The following VRK3 variants were observed in gnomAD, a reference collection of about 807,000 sequenced individuals.
VRK3 encodes VRK serine/threonine kinase 3, also known as serine/threonine-protein kinase VRK3.
Under a neutral mutation model 60.4 loss-of-function variants are expected in VRK3, and 50 were observed. The ratio of observed to expected loss-of-function variants is 0.83; its 90% confidence interval spans 0.66 to 1.05. VRK3 has a LOEUF of 1.05. VRK3 is among the 50% of genes least tolerant of loss of function. The pLI, the probability that VRK3 is intolerant of heterozygous loss-of-function variation, is 0.00. For synonymous variants in VRK3, 246 were observed against 227.8 expected (o/e 1.08, Z -0.72); for missense variants, 549 against 585.3 (o/e 0.94, Z 0.64).
chr19:49,981,260 GT>G, intron 12 of VRK3: 2 of 528,414 alleles, frequency 3.8e-6, no homozygotes, highest in Non-Finnish European at 6.8e-6. Context: ...AATACACCTT[GT>G]TTTGGCCGGG....
At chr19:49,984,000 T>C (rs1227249941) in intron 12 of VRK3, among the ~76,000 whole-genome samples, 1 of 152,164 alleles carries the variant, frequency 6.6e-6, no homozygotes, top group African/African-American at 2.4e-5. Context: ...GCTGCTATCA[T>C]TGATATGAGA....
rs560437094 is a variant in VRK3, at chr19:49,993,372, T to TATAG, written c.871-421_871-420insCTAT. ...TGATCTCCAGCTCCAGCTGTCCCTATGAGCTCCAGACTCTTTTTTTGCTGT... is the reference window on the plus strand; with the variant it reads ...TGATCTCCAGCTCCAGCTGTCCCTATATAGGAGCTCCAGACTCTTTTTTTGCTGT... On this transcript the variant is annotated intron_variant, in intron 9 of 14. Transcript: ENST00000316763. Among the ~76,000 whole-genome samples the TATAG allele has an allele frequency of 1.8e-4, 28 of 152,320 alleles. No homozygotes were observed. In the East Asian group the frequency reaches 5.0e-3, roughly 27 times the overall value.
Position 50,007,843 on chromosome 19 carries a change from G to A in VRK3, c.290-17C>T, listed in dbSNP as rs748338401. On this transcript the variant is annotated splice_polypyrimidine_tract_variant and intron_variant, in intron 4 of 14. Transcript: ENST00000316763. ...TCCCGGAGCCTGCAGGAGGATGTAA[G>A]AATAAAGTAAAAGCACCATCCAGGA... 2.5e-6 allele frequency: 4 copies of A among 1,613,814 alleles called. No homozygotes were observed. In the South Asian group the frequency reaches 4.4e-5, roughly 18 times the overall value.
intron 4 of VRK3, among the ~76,000 whole-genome samples, chr19:50,009,022 G>A (rs1427535013): frequency 2.6e-5 from 4 of 152,168 alleles, no homozygotes; most frequent in African/African-American, 9.7e-5. Context: ...GCAGGGAGGG[G>A]CCGGGGCAGC....
At chr19:49,990,951 G>A (rs2076600317) in intron 10 of VRK3, among the ~76,000 whole-genome samples, 1 of 151,858 alleles carries the variant, frequency 6.6e-6, no homozygotes, top group Admixed American at 6.6e-5. Context: ...CACCTGGATA[G>A]GTTATTATTT....
At chr19:50,025,245 C>A (rs549326521) in intron 1 of VRK3, 22 bp downstream of exon 1, 3 of 152,314 alleles carry the variant, frequency 2.0e-5, no homozygotes, top group Non-Finnish European at 4.4e-5. Flanking sequence ...GACGTCCCCT[C>A]GTTCGCCTCG....
chr19:49,984,104 T>C (rs539837665), intron 12 of VRK3, among the ~76,000 whole-genome samples: 2 of 152,148 alleles, frequency 1.3e-5, no homozygotes, highest in East Asian at 1.9e-4. Flanking sequence ...TCTCTTTAGA[T>C]GGGGGGATGT....
intron 3 of VRK3, among the ~76,000 whole-genome samples, chr19:50,013,154 G>A (rs191668408): frequency 1.3e-5 from 2 of 152,262 alleles, no homozygotes; most frequent in East Asian, 1.9e-4. Context: ...GCGACAGAGC[G>A]AGACTCCGTC....
intron 12 of VRK3, among the ~76,000 whole-genome samples, chr19:49,984,648 T>C (rs1275486245): frequency 2.6e-5 from 4 of 152,244 alleles, no homozygotes; most frequent in African/African-American, 9.6e-5. Context: ...TTTTTCTTTT[T>C]TTGAGACAGG....
chr19:49,985,863 G>T (rs900116627), intron 12 of VRK3, among the ~76,000 whole-genome samples: 1 of 152,180 alleles, frequency 6.6e-6, no homozygotes, highest in African/African-American at 2.4e-5. Flanking sequence ...GGTGACATGG[G>T]CTGTCTCTGG....
intron 6 of VRK3, chr19:50,000,527 GCT>G: frequency 1.9e-6 from 1 of 528,842 alleles, no homozygotes; most frequent in African/African-American, 1.9e-5. Flanking sequence ...AGGAAACTGA[GCT>G]CTGAGGGGGA....
chr19:50,000,623 G>T, intron 6 of VRK3, 167 bp downstream of exon 6: 1 of 729,818 alleles, frequency 1.4e-6, no homozygotes. Context: ...ACCCTGGGAT[G>T]ATGGAGAACT....
Position 49,992,841 on chromosome 19 carries a change from G to T in VRK3, c.963+19C>A, listed in dbSNP as rs2076634247. The T allele has an allele frequency of 1.2e-6, 2 of 1,612,112 alleles. No individual in the cohort carries two copies. Among genetic ancestry groups the T allele is most frequent in the Admixed American group, 1.7e-5 (1 of 60,024 alleles). On this transcript the variant is annotated intron_variant, in intron 10 of 14. Transcript: ENST00000316763. ...CTGAGCCCAGAGATCTTCCAGAGTGGGCAGGAGCTGGCTCTTACCTGACTC... is the reference window on the plus strand; with the variant it reads ...CTGAGCCCAGAGATCTTCCAGAGTGTGCAGGAGCTGGCTCTTACCTGACTC...
At chr19:49,997,928 C>T (rs10405696) in intron 6 of VRK3, 8,143 of 172,732 alleles carry the variant, frequency 0.047, 702 homozygotes, top group African/African-American at 0.18. Flanking sequence ...CAGGTTATGC[C>T]CTTAGTGGGC....
intron 11 of VRK3, 35 bp from the exon 12 acceptor site, chr19:49,988,527 C>T (rs2076556560): frequency 1.9e-6 from 3 of 1,604,726 alleles, no homozygotes; most frequent in African/African-American, 2.7e-5. Context: ...CAGCTCAAGT[C>T]TGGACGCTCC....
intron 12 of VRK3, 167 bp downstream of exon 12, chr19:49,988,205 G>A (rs1467957504): frequency 1.7e-5 from 18 of 1,044,322 alleles, no homozygotes; most frequent in South Asian, 3.3e-5. Context: ...CACCTGCCTC[G>A]CCTGCTGTGT....
At chr19:50,010,288 T>C (rs2076973441) in intron 3 of VRK3, among the ~76,000 whole-genome samples, 1 of 152,204 alleles carries the variant, frequency 6.6e-6, no homozygotes, top group Admixed American at 6.5e-5. Flanking sequence ...TTTGTAAACA[T>C]TCTCATCTAT....
chr19:49,991,220 C>A (rs763748005), intron 10 of VRK3, among the ~76,000 whole-genome samples: 3 of 152,134 alleles, frequency 2.0e-5, no homozygotes, highest in Non-Finnish European at 2.9e-5. Context: ...GTAGACTGAG[C>A]AAGGCAGATT....
chr19:49,987,497 C>T (rs1388521384), intron 12 of VRK3, among the ~76,000 whole-genome samples: 1 of 152,178 alleles, frequency 6.6e-6, no homozygotes, highest in Non-Finnish European at 1.5e-5. Flanking sequence ...CTCATATGTT[C>T]CGCTGTCCAC....
Sources: gnomAD v4.1 joint callset for allele counts (sites outside exome capture counted in the v4.1 genomes callset) on GRCh38, gnomAD v4.1.1 for gene constraint, MANE v1.5 for transcripts, NCBI Gene and HGNC (gene_info 2026-07-23, HGNC 2026-07-21) for gene names.